TRIM29: variants seen among roughly 807,000 people sequenced by gnomAD.
TRIM29 encodes the protein tripartite motif-containing protein 29.
In TRIM29, 52 loss-of-function variants were observed where a neutral mutation model predicts 57.3. The ratio of observed to expected loss-of-function variants is 0.91; its 90% CI spans 0.73 to 1.14. The LOEUF is 1.14. TRIM29 is among the 50% of genes most tolerant of loss of function. The pLI, the probability that TRIM29 is intolerant of heterozygous loss-of-function variation, is 0.00. For missense variants in TRIM29, 753 were observed against 774.6 expected (o/e 0.97, Z 0.33); for synonymous variants, 319 against 316.9 (o/e 1.01, Z -0.07).
intron 1 of TRIM29, among the ~76,000 whole-genome samples, chr11:120,129,693 G>A (rs915652147): frequency 9.9e-5 from 15 of 152,276 alleles, no homozygotes; most frequent in African/African-American, 1.4e-4. Context: ...GCAGGCACCC[G>A]GGGAAGTGGA....
chr11:120,125,403 T>G (rs900124129), intron 4 of TRIM29: 5 of 444,672 alleles, frequency 1.1e-5, no homozygotes, highest in Non-Finnish European at 2.0e-5. Context: ...AACCAGTCTC[T>G]GAGTTTGATG....
In TRIM29 at chr11:120,120,772, C is replaced by T. The variant is rs767011048; in HGVS notation, c.1436-107G>A. Reference sequence around the variant, plus strand: ...CCATCACAGGACCTGGATTCCACCACTGAGAGAAGTCCTTTGGGTCTGACA... The same window carrying T: ...CCATCACAGGACCTGGATTCCACCATTGAGAGAAGTCCTTTGGGTCTGACA... On this transcript the variant is annotated intron_variant, in intron 5 of 8. Transcript: ENST00000341846. 2.3e-5 allele frequency: 20 copies of T among 877,888 alleles called. No homozygotes were observed. The African/African-American group carries it at 2.8e-4, about 12-fold the overall frequency. The allele number at this position is 877,888 out of a possible 1,614,324, so 54.4% of individuals were successfully genotyped here.
At chr11:120,122,353 A>G (rs1863477266) in intron 5 of TRIM29, among the ~76,000 whole-genome samples, 5 of 152,122 alleles carry the variant, frequency 3.3e-5, no homozygotes, top group Admixed American at 3.3e-4. Flanking sequence ...CTGGCGCCCA[A>G]GAATGTGAGA....
rs998658255 is a variant in TRIM29, at chr11:120,120,655, C to T, written c.1446G>A (p.Arg482=). 3.7e-6 allele frequency: 6 copies of T among 1,613,692 alleles called. No individual in the cohort carries two copies. Among genetic ancestry groups the T allele is most frequent in the Admixed American group, 3.3e-5 (2 of 59,970 alleles). Residue 482 remains arginine (R), a synonymous_variant, in exon 6 of 9, where the codon CGG becomes CGA. Transcript: ENST00000341846. ...SMYLTPKGGV[R]TSYQPSSPGR... Reference sequence around the variant, plus strand: ...CAGGAGACGAGGGCTGGTATGATGTCCGGACCCCACCTGTGAAGCAGATGA... The same window carrying T: ...CAGGAGACGAGGGCTGGTATGATGTTCGGACCCCACCTGTGAAGCAGATGA...
rs1466794377 is a variant in TRIM29 at position 120,125,926 on chromosome 11, C to A, written c.1135-37G>T. 12 of 1,598,012 alleles carry A rather than the reference C, an allele frequency of 7.5e-6. No individual in the cohort carries two copies. The East Asian group carries it at 2.7e-4, about 36-fold the overall frequency. ...GGAAAGAACCATTAACTGCCTGGGT[C>A]TTCATGAGCTATGAGGACGCTTCTC... On this transcript the variant is annotated intron_variant, in intron 3 of 8. Coordinates refer to ENST00000341846, the MANE Select transcript of TRIM29 (RefSeq NM_012101.4).
In TRIM29 at chr11:120,122,961, T is replaced by C; in HGVS notation, c.1428A>G (p.Thr476=). The C allele has an allele frequency of 4.3e-6, 7 of 1,613,770 alleles. No individual in the cohort carries two copies. Among genetic ancestry groups the C allele is most frequent in the Non-Finnish European group, 5.9e-6 (7 of 1,179,774 alleles). The change falls in exon 5 of 9, where the codon ACA becomes ACG. Residue 476 remains threonine, a synonymous_variant. Coordinates refer to ENST00000341846, the MANE Select transcript of TRIM29 (RefSeq NM_012101.4). The part of the protein sequence containing the change: ...DTMKRYSMYL[T]PKGGVRTSYQ... ...TGAGGGGCTCCCTCTTACCTTTGGG[T>C]GTCAGGTACATGGAGTATCTCTTCA...
intron 7 of TRIM29, chr11:120,117,156 A>T: frequency 3.9e-6 from 1 of 259,634 alleles, no homozygotes; most frequent in South Asian, 3.6e-5. Flanking sequence ...ATCACACCTG[A>T]GAGCGGCCAC....
intron 5 of TRIM29, 145 bp downstream of exon 5, chr11:120,122,809 C>T (rs555789984): frequency 4.6e-6 from 3 of 654,526 alleles, no homozygotes; most frequent in East Asian, 2.7e-5. Flanking sequence ...CAGGACAACA[C>T]GTAGATGCCA....
intron 5 of TRIM29, chr11:120,121,985 C>A: frequency 2.2e-6 from 1 of 448,150 alleles, no homozygotes; most frequent in Non-Finnish European, 4.5e-6. Context: ...CGGCTGGGGC[C>A]TGGCCCACAC....
Position 120,112,156 on chromosome 11 carries a change from T to A in TRIM29, c.*258A>T. On this transcript the variant is annotated 3_prime_UTR_variant, in exon 9 of 9. Coordinates refer to ENST00000341846, the MANE Select transcript of TRIM29 (RefSeq NM_012101.4). ...CAGGCCCCAACCTATCTCACCCCTG[T>A]GATGGGTTGGCCTCTGAGCACAGGA... The A allele has an allele frequency of 2.2e-6, 1 of 454,254 alleles. No individual in the cohort carries two copies. Among genetic ancestry groups the A allele is most frequent in the Non-Finnish European group, 4.0e-6 (1 of 250,194 alleles). The allele number at this position is 454,254 out of a possible 1,614,324, so 28.1% of individuals were successfully genotyped here. A position where few individuals can be genotyped will look rare whatever the true frequency, so the allele number is the denominator to read the frequency against.
rs1434797173 is a variant in TRIM29, at chr11:120,137,806, G to C, written c.226C>G (p.Arg76Gly). 1.9e-6 allele frequency: 3 copies of C among 1,612,148 alleles called. No homozygotes were observed. Among genetic ancestry groups the C allele is most frequent in the African/African-American group, 2.7e-5 (2 of 74,928 alleles). ...TCGACAAACTGGATGATGGGTCGCC[G>C]CCACTCATTGCCCGCGAACAGGGCG... is the stretch of plus-strand genomic sequence containing the variant. ...RSALFAGNEW[R>G]RPIIQFVESG... is the part of the protein sequence containing the mutation. The change falls in exon 1 of 9, where the codon CGG becomes GGG. Residue 76 changes from arginine (R) to glycine (G), a missense_variant. Arg to Gly is a moderately radical substitution (Grantham distance 125, BLOSUM62 -2). Coordinates refer to ENST00000341846, the MANE Select transcript of TRIM29 (RefSeq NM_012101.4). The surrounding 1 kb of genome is among the most constrained non-coding windows in gnomAD (Gnocchi z 6.2).
Position 120,120,595 on chromosome 11 carries a change from G to A in TRIM29, c.1506C>T (p.Phe502=), listed in dbSNP as rs1002752935. The change falls in exon 6 of 9, where the codon TTC becomes TTT. Residue 502 remains phenylalanine (F), a synonymous_variant. Transcript: ENST00000341846. ...RFTKETTQKN[F]NNLYGTKGNY... is the part of the protein sequence containing the mutation. The stretch of plus-strand genomic sequence containing the variant: ...TACCTTTGGTGCCATAGAGATTGTT[G>A]AAATTCTTCTGGGTGGTCTCCTTGG... The A allele has an allele frequency of 2.5e-6, 4 of 1,613,446 alleles. No homozygotes were observed. The African/African-American group carries it at 5.3e-5, about 22-fold the overall frequency.
chr11:120,118,240 G>C lies in TRIM29; in HGVS notation c.1610C>G (p.Ser537Cys), dbSNP rs780774050. ...DNDLPVVQGS[S>C]SFSLKGYPSL... ...AAGCTCACCTTTCAGGGAGAAGGAGGAGCTGCCTTGGACGACGGGCAGGTC... is the reference window on the plus strand; with the variant it reads ...AAGCTCACCTTTCAGGGAGAAGGAGCAGCTGCCTTGGACGACGGGCAGGTC... Residue 537 changes from serine (S) to cysteine (C), a missense_variant, in exon 7 of 9, where the codon TCC (serine) becomes TGC (cysteine). Ser to Cys is a moderately radical substitution (Grantham distance 112). Transcript: ENST00000341846. 180 of 1,613,908 alleles carry C rather than the reference G, an allele frequency of 1.1e-4. No individual in the cohort carries two copies. Among genetic ancestry groups the C allele is most frequent in the Non-Finnish European group, 1.4e-4 (169 of 1,179,970 alleles).
chr11:120,130,244 C>T lies in TRIM29; in HGVS notation c.805-1749G>A, dbSNP rs1459773241. Among the ~76,000 whole-genome samples the T allele has an allele frequency of 2.0e-5, 3 of 152,144 alleles. No homozygotes were observed. In the South Asian group the frequency reaches 6.2e-4, roughly 32 times the overall value. ...TGGACTGGGGGTCTGTCCGAAGCAC[C>T]TTTCTCATCCCTGGAGAACTCCTGA... On this transcript the variant is annotated intron_variant, in intron 1 of 8. Transcript: ENST00000341846.
At chr11:120,125,324 G>A (rs930048977) in intron 4 of TRIM29, 31 of 279,530 alleles carry the variant, frequency 1.1e-4, no homozygotes, top group Non-Finnish European at 1.8e-4. Flanking sequence ...TTGGAATCTG[G>A]CCCATACTAG....
intron 8 of TRIM29, among the ~76,000 whole-genome samples, chr11:120,115,106 G>C (rs1038275872): frequency 6.6e-6 from 1 of 152,206 alleles, no homozygotes; most frequent in Non-Finnish European, 1.5e-5. Flanking sequence ...TTATAGATCA[G>C]AAAACTGAGG....
At chr11:120,118,446 T>TCACACA in intron 6 of TRIM29, 125 bp from the exon 7 acceptor site, 2 of 670,186 alleles carry the variant, frequency 3.0e-6, no homozygotes, top group Non-Finnish European at 5.1e-6. Flanking sequence ...GATGCCACTG[T>TCACACA]GTGATCCCAG....
At chr11:120,133,269 A>G (rs1381785653) in intron 1 of TRIM29, among the ~76,000 whole-genome samples, 1 of 152,186 alleles carries the variant, frequency 6.6e-6, no homozygotes, top group African/African-American at 2.4e-5. Flanking sequence ...GACCCTTCCA[A>G]TCCTACAGGA....
At chr11:120,116,808 T>G in intron 7 of TRIM29, 5 of 218,164 alleles carry the variant, frequency 2.3e-5, no homozygotes, top group East Asian at 1.5e-4. Flanking sequence ...AGATAGAGAG[T>G]ATGCTGGGGT....
Sources: gnomAD v4.1 joint callset for allele counts (sites outside exome capture counted in the v4.1 genomes callset) on GRCh38, gnomAD v4.1.1 for gene constraint, Gnocchi (gnomAD v3.1) non-coding constraint, MANE v1.5 for transcripts, NCBI Gene and HGNC (gene_info 2026-07-23, HGNC 2026-07-21) for gene names.